Variants in ITGB8 observed in about 807,000 individuals in gnomAD.
The protein encoded by ITGB8 is integrin subunit beta 8.
A neutral mutation model predicts 89.5 loss-of-function variants in ITGB8; 30 were observed. The ratio of observed to expected loss-of-function variants is 0.34; its 90% CI spans 0.25 to 0.45. ITGB8 has a LOEUF of 0.45. ITGB8 is among the 20% of genes least tolerant of loss of function. The pLI is 1.00. For synonymous variants in ITGB8, 335 were observed against 320.4 expected, an observed-to-expected ratio of 1.05 and a Z score of -0.49; for missense variants, 836 against 933.3, an observed-to-expected ratio of 0.90 and a Z score of 1.36.
intron 6 of ITGB8, among the ~76,000 whole-genome samples, chr7:20,390,622 A>G (rs1039167933): frequency 2.0e-5 from 3 of 152,134 alleles, no homozygotes; most frequent in Admixed American, 2.0e-4. Flanking sequence ...CATAATGATA[A>G]GTTGAGAAAT....
rs527476652 is a variant in ITGB8, at chr7:20,353,896, C to T, written c.128-9741C>T. On this transcript the variant is annotated intron_variant, in intron 1 of 13. Transcript: ENST00000222573. ...GCAGTGAGCCGAGATCGCGCCACTG[C>T]ACTCCAGCCTGGGCGACAGAGCGAG... Among the ~76,000 whole-genome samples, 334 of 125,108 alleles carry T rather than the reference C, an allele frequency of 2.7e-3. 1 individual carries two copies. Among genetic ancestry groups the T allele is most frequent in the Middle Eastern group, 0.012 (2 of 164 alleles). 82.1% of individuals were successfully genotyped at this position (125,108 alleles called of 152,430 possible).
chr7:20,405,938 T>C, intron 11 of ITGB8, 124 bp from the exon 12 acceptor site: 7 of 619,198 alleles, frequency 1.1e-5, no homozygotes, highest in South Asian at 9.8e-5. Context: ...TTAGTTCTAA[T>C]GAACATAATC....
At position 20,360,348 on chromosome 7, in the gene ITGB8, A is replaced by ATTTTT. The variant is rs71020629; in HGVS notation, c.128-3280_128-3276dup. Reference sequence around the variant, plus strand: ...CCTTCCATGAGACTACAGTCCTTTAATTTTTTTTTTTTTACTTGAGTAGCG... The same window carrying ATTTTT: ...CCTTCCATGAGACTACAGTCCTTTAATTTTTTTTTTTTTTTTTTACTTGAGTAGCG... On this transcript the variant is annotated intron_variant, in intron 1 of 13. Coordinates refer to ENST00000222573, the MANE Select transcript of ITGB8 (RefSeq NM_002214.3). Among the ~76,000 whole-genome samples the ATTTTT allele has an allele frequency of 7.0e-5, 9 of 127,720 alleles. 1 individual carries two copies. Among genetic ancestry groups the ATTTTT allele is most frequent in the Non-Finnish European group, 1.1e-4 (7 of 62,752 alleles). 83.8% of individuals were successfully genotyped at this position (127,720 alleles called of 152,430 possible).
intron 1 of ITGB8, among the ~76,000 whole-genome samples, chr7:20,339,518 A>C (rs1340613456): frequency 6.6e-6 from 1 of 152,190 alleles, no homozygotes; most frequent in Non-Finnish European, 1.5e-5. Context: ...AAGTGCTAAG[A>C]TCAATTCTTG....
intron 1 of ITGB8, chr7:20,346,687 T>G: frequency 3.0e-6 from 3 of 985,284 alleles, no homozygotes; most frequent in Non-Finnish European, 3.6e-6. Context: ...ACGTGGACTT[T>G]CTCTGGGTGT....
intron 2 of ITGB8, chr7:20,365,520 C>T (rs1267169366): frequency 6.6e-6 from 1 of 152,200 alleles, no homozygotes. Flanking sequence ...GAACCCGCCT[C>T]ACAGTCTTGT....
At chr7:20,352,847 A>C (rs1039523801) in intron 1 of ITGB8, 47 of 152,350 alleles carry the variant, frequency 3.1e-4, no homozygotes, top group African/African-American at 1.1e-3. Flanking sequence ...TGCCCCTTTC[A>C]GGTTAAAAAG....
At chr7:20,397,511 C>A (rs943095559) in intron 8 of ITGB8, among the ~76,000 whole-genome samples, 2 of 152,234 alleles carry the variant, frequency 1.3e-5, no homozygotes, top group Non-Finnish European at 2.9e-5. Flanking sequence ...CAGGCGTGAG[C>A]CACCACACCA....
At chr7:20,394,827 A>G in intron 7 of ITGB8, 69 bp from the exon 8 acceptor site, 1 of 1,032,338 alleles carries the variant, frequency 9.7e-7, no homozygotes, top group Admixed American at 1.8e-5. Context: ...AAAAATATTT[A>G]CTATTTGTTG....
chr7:20,362,326 G>A (rs1419396863), intron 1 of ITGB8, among the ~76,000 whole-genome samples: 1 of 152,212 alleles, frequency 6.6e-6, no homozygotes, highest in Non-Finnish European at 1.5e-5. Context: ...CCATGTCCAT[G>A]TGTGATTGGG....
chr7:20,377,592 A>T (rs1786206734), intron 3 of ITGB8, among the ~76,000 whole-genome samples: 1 of 152,196 alleles, frequency 6.6e-6, no homozygotes, highest in South Asian at 2.1e-4. Context: ...CTTTCTGTCA[A>T]CAGAAGCCCA....
At chr7:20,353,751 G>A (rs925431217) in intron 1 of ITGB8, among the ~76,000 whole-genome samples, 1 of 148,142 alleles carries the variant, frequency 6.8e-6, no homozygotes, top group Non-Finnish European at 1.5e-5. Context: ...GGCTAACACG[G>A]TGAAACCCCG....
intron 3 of ITGB8, among the ~76,000 whole-genome samples, chr7:20,368,886 T>C (rs753524741): frequency 2.4e-4 from 36 of 152,180 alleles, no homozygotes; most frequent in Non-Finnish European, 4.9e-4. Flanking sequence ...ACATCCCCCA[T>C]TTCTTATGCA....
In ITGB8 at chr7:20,374,700, G is replaced by T. The variant is rs149798935; in HGVS notation, c.389-4351G>T. Among the ~76,000 whole-genome samples the T allele has an allele frequency of 7.2e-4, 109 of 152,248 alleles. 2 individuals carry two copies. The highest frequency in any genetic ancestry group is 2.5e-3 in the African/African-American group (105 of 41,546). On this transcript the variant is annotated intron_variant, in intron 3 of 13. Transcript: ENST00000222573. ...ACCACAGGCAGAGGAAGGACCACAGGCAGGGCACAGGAGTATGCATTTGTA... is the reference window on the plus strand; with the variant it reads ...ACCACAGGCAGAGGAAGGACCACAGTCAGGGCACAGGAGTATGCATTTGTA...
chr7:20,341,800 T>A (rs1339676883), intron 1 of ITGB8, among the ~76,000 whole-genome samples: 13 of 152,052 alleles, frequency 8.5e-5, no homozygotes, highest in Non-Finnish European at 1.6e-4. Context: ...TATAGACTTG[T>A]CTGGGCAGAG....
intron 1 of ITGB8, among the ~76,000 whole-genome samples, chr7:20,338,762 C>G (rs1236645243): frequency 6.6e-6 from 1 of 152,156 alleles, no homozygotes; most frequent in Non-Finnish European, 1.5e-5. Context: ...ATTTTAATAA[C>G]TAAATCCCTT....
At chr7:20,383,706 G>A (rs1473812724) in intron 6 of ITGB8, among the ~76,000 whole-genome samples, 1 of 152,090 alleles carries the variant, frequency 6.6e-6, no homozygotes, top group Non-Finnish European at 1.5e-5. Context: ...CATATACCAT[G>A]TTATAGAACC....
intron 3 of ITGB8, among the ~76,000 whole-genome samples, chr7:20,372,529 TGAGA>T (rs1168161229): frequency 2.6e-5 from 4 of 151,620 alleles, no homozygotes; most frequent in African/African-American, 7.3e-5. Context: ...TGTCTTGAGT[TGAGA>T]GAGAGAGACT....
chr7:20,340,304 A>T (rs1784714297), intron 1 of ITGB8, among the ~76,000 whole-genome samples: 1 of 152,252 alleles, frequency 6.6e-6, no homozygotes, highest in African/African-American at 2.4e-5. Flanking sequence ...GTCTCGTGAT[A>T]GTACAGGGTA....
Sources: allele counts gnomAD v4.1 joint callset (sites outside exome capture counted in the v4.1 genomes callset), GRCh38; gene constraint gnomAD v4.1.1; transcripts MANE v1.5; gene names NCBI Gene and HGNC (gene_info 2026-07-23, HGNC 2026-07-21).